PDIA5: variants seen among roughly 807,000 people sequenced by gnomAD.
The protein encoded by PDIA5 is protein disulfide-isomerase A5.
Under a neutral mutation model 77.6 loss-of-function variants are expected in PDIA5, and 58 were observed. The observed-to-expected ratio is 0.75, with a 90% CI of 0.61 to 0.93. The LOEUF is 0.93. Ranked by LOEUF, PDIA5 falls within the 40% of genes least tolerant of loss-of-function variation. The pLI, the probability that PDIA5 is intolerant of heterozygous loss-of-function variation, is 0.00. For missense variants in PDIA5, 630 were observed against 647.7 expected, an observed-to-expected ratio of 0.97 and a Z score of 0.30; for synonymous variants, 250 against 252.1, an observed-to-expected ratio of 0.99 and a Z score of 0.08.
At chr3:123,102,349 G>C (rs1472360805) in intron 3 of PDIA5, 62 bp from the exon 4 acceptor site, 4 of 1,259,188 alleles carry the variant, frequency 3.2e-6, no homozygotes, top group Non-Finnish European at 4.7e-6. Flanking sequence ...AGCAGATTTT[G>C]CTGTCAACAC....
chr3:123,151,311 C>T (rs2107987504), intron 14 of PDIA5, among the ~76,000 whole-genome samples: 1 of 152,336 alleles, frequency 6.6e-6, no homozygotes, highest in South Asian at 2.1e-4. Flanking sequence ...GTAGAGTGTG[C>T]CCAGAAGCCT....
intron 5 of PDIA5, among the ~76,000 whole-genome samples, chr3:123,104,395 T>A (rs1934682107): frequency 6.6e-6 from 1 of 152,158 alleles, no homozygotes; most frequent in Non-Finnish European, 1.5e-5. Context: ...AGAGCCCACC[T>A]CAGTCACTAA....
chr3:123,106,532 C>T (rs1934737148), intron 5 of PDIA5, among the ~76,000 whole-genome samples: 1 of 152,104 alleles, frequency 6.6e-6, no homozygotes, highest in South Asian at 2.1e-4. Context: ...TGAAAAAGCC[C>T]GATGGGAGTG....
intron 6 of PDIA5, among the ~76,000 whole-genome samples, chr3:123,107,358 C>T (rs1267390307): frequency 6.6e-6 from 1 of 152,042 alleles, no homozygotes; most frequent in Non-Finnish European, 1.5e-5. Context: ...AAGGGTAGAT[C>T]TAGATTATGG....
chr3:123,089,637 A>G (rs759289742), intron 2 of PDIA5, among the ~76,000 whole-genome samples: 2 of 152,264 alleles, frequency 1.3e-5, no homozygotes, highest in Non-Finnish European at 2.9e-5. Context: ...CTGCACAGGC[A>G]TGGGGCCGAG....
intron 10 of PDIA5, among the ~76,000 whole-genome samples, chr3:123,127,370 A>G (rs752928652): frequency 4.6e-5 from 7 of 152,218 alleles, no homozygotes; most frequent in Non-Finnish European, 8.8e-5. Flanking sequence ...GAGGTTCCCC[A>G]TTCATGCTTG....
At chr3:123,098,345 C>T (rs1312390799) in intron 3 of PDIA5, among the ~76,000 whole-genome samples, 3 of 152,174 alleles carry the variant, frequency 2.0e-5, no homozygotes, top group Non-Finnish European at 4.4e-5. Context: ...CCGCCGTCTC[C>T]CAGACCTTGT....
chr3:123,123,057 T>C (rs1035856832), intron 8 of PDIA5, among the ~76,000 whole-genome samples: 20 of 152,178 alleles, frequency 1.3e-4, no homozygotes, highest in African/African-American at 4.8e-4. Context: ...GGAGGATCGC[T>C]TGAGCCCAGG....
At chr3:123,122,515 T>C (rs748067998) in intron 8 of PDIA5, among the ~76,000 whole-genome samples, 15 of 152,088 alleles carry the variant, frequency 9.9e-5, no homozygotes, top group Non-Finnish European at 2.2e-4. Flanking sequence ...TGCTAGGGAC[T>C]TAAAACAATT....
At position 123,150,358 on chromosome 3, in the gene PDIA5, G is replaced by C. The variant is rs200676202; in HGVS notation, c.1267G>C (p.Ala423Pro). ...GAAACACACCTTGGTCATGTTCTAC[G>C]CCCCTTGTAAGTAGCTTGGGTGCTC... ...KKKHTLVMFY[A>P]PWCPHCKKVI... The change falls in exon 14 of 17, where the codon GCC becomes CCC. Residue 423 changes from alanine (A) to proline (P), a missense_variant. Physicochemically the swap from Ala to Pro is conservative, Grantham distance 27. Coordinates refer to ENST00000316218, the MANE Select transcript of PDIA5 (RefSeq NM_006810.4). 15 of 1,613,250 alleles carry C rather than the reference G, an allele frequency of 9.3e-6. No homozygotes were observed. In the Admixed American group the frequency reaches 2.2e-4, roughly 23 times the overall value.
intron 11 of PDIA5, among the ~76,000 whole-genome samples, chr3:123,135,647 GC>G (rs149354155): frequency 0.06 from 9,033 of 150,506 alleles, 427 homozygotes; most frequent in Non-Finnish European, 0.078. Context: ...TATTCTCAAA[GC>G]AATATATAAC....
chr3:123,130,553 G>T lies in PDIA5; in HGVS notation c.847G>T (p.Asp283Tyr). Residue 283 changes from aspartate (D) to tyrosine (Y), a missense_variant, in exon 11 of 17, where the codon GAT becomes TAT. Transcript: ENST00000316218. Reference sequence around the variant, plus strand: ...GGGCGGCTCCGTTTATCACCTGACCGATGAAGACTTTGACCAGTTTGTGAA... The same window carrying T: ...GGGCGGCTCCGTTTATCACCTGACCTATGAAGACTTTGACCAGTTTGTGAA... ...DEGGSVYHLTDEDFDQFVKEH... is the reference protein window; with the variant it reads ...DEGGSVYHLTYEDFDQFVKEH... 1 of 1,614,110 alleles carries T rather than the reference G, an allele frequency of 6.2e-7. No individual in the cohort carries two copies. Among genetic ancestry groups the T allele is most frequent in the Non-Finnish European group, 8.5e-7 (1 of 1,179,962 alleles).
intron 8 of PDIA5, among the ~76,000 whole-genome samples, chr3:123,120,976 A>T (rs1191100739): frequency 6.6e-6 from 1 of 152,144 alleles, no homozygotes; most frequent in Non-Finnish European, 1.5e-5. Flanking sequence ...GCTTCGAGAG[A>T]TACAACTGGT....
chr3:123,102,946 A>T, intron 5 of PDIA5, 150 bp downstream of exon 5: 1 of 671,368 alleles, frequency 1.5e-6, no homozygotes. Flanking sequence ...AGCATATGTC[A>T]GCAGAATATG....
chr3:123,090,789 C>T (rs1934265036), intron 2 of PDIA5, among the ~76,000 whole-genome samples: 1 of 152,154 alleles, frequency 6.6e-6, no homozygotes, highest in Admixed American at 6.5e-5. Context: ...TTCCCTCACC[C>T]GACCCTGTCT....
Position 123,150,313 on chromosome 3 carries a change from C to T in PDIA5, c.1222C>T (p.Arg408Trp), listed in dbSNP as rs774726526. Residue 408 changes from arginine to tryptophan, a missense_variant, in exon 14 of 17, where the codon CGG becomes TGG. Physicochemically the swap from Arg to Trp is moderately radical, Grantham distance 101. Transcript: ENST00000316218. ...GTTGCACCTGGTGGGGGACAACTTC[C>T]GGGAGACCCTGAAGAAGAAGAAACA... ...SVLHLVGDNF[R>W]ETLKKKKHTL... 49 of 1,613,676 alleles carry T rather than the reference C, an allele frequency of 3.0e-5. No individual in the cohort carries two copies. The highest frequency in any genetic ancestry group is 3.6e-5 in the Non-Finnish European group (43 of 1,179,860).
In PDIA5 at chr3:123,155,026, C is replaced by A; in HGVS notation, c.1329C>A (p.Phe443Leu). ...IPHFTATADAFKDDRKIACAA... is the reference protein window; with the variant it reads ...IPHFTATADALKDDRKIACAA... ...ACTTTACTGCTACTGCTGATGCCTT[C>A]AAAGATGACCGAAAGGTAAGGACAG... The change falls in exon 15 of 17, where the codon TTC becomes TTA. Residue 443 changes from phenylalanine to leucine, a missense_variant. Phe to Leu is a conservative substitution (Grantham distance 22). Transcript: ENST00000316218. 1 of 1,609,574 alleles carries A rather than the reference C, an allele frequency of 6.2e-7. No individual in the cohort carries two copies. Among genetic ancestry groups the A allele is most frequent in the Non-Finnish European group, 8.5e-7 (1 of 1,175,822 alleles).
chr3:123,070,822 G>T (rs947311379), intron 1 of PDIA5, among the ~76,000 whole-genome samples: 19 of 152,156 alleles, frequency 1.2e-4, no homozygotes, highest in African/African-American at 3.4e-4. Context: ...TCGAGCTGGA[G>T]TGAACTCTAG....
intron 10 of PDIA5, among the ~76,000 whole-genome samples, chr3:123,126,533 AC>A (rs1271875704): frequency 6.6e-6 from 1 of 151,726 alleles, no homozygotes; most frequent in Non-Finnish European, 1.5e-5. Flanking sequence ...CCACCCTATT[AC>A]CCAAAGATAG....
Sources: allele counts gnomAD v4.1 joint callset (sites outside exome capture counted in the v4.1 genomes callset), GRCh38; gene constraint gnomAD v4.1.1; transcripts MANE v1.5; gene names NCBI Gene and HGNC (gene_info 2026-07-23, HGNC 2026-07-21).